The following CNTN3 variants were observed in gnomAD, a reference collection of about 807,000 sequenced individuals.
CNTN3 encodes contactin-3.
CNTN3 carries 60 observed loss-of-function variants against 119.1 expected under a neutral mutation model. The ratio of observed to expected loss-of-function variants is 0.50; its 90% CI spans 0.41 to 0.62. The LOEUF is 0.62. CNTN3 is among the 20% of genes least tolerant of loss of function. The probability of loss-of-function intolerance (pLI) is 0.00; values close to 1 mark genes in which losing one functional copy is unlikely to be tolerated. For missense variants in CNTN3, 1,101 were observed against 1,242.4 expected (o/e 0.89, Z 1.71); for synonymous variants, 450 against 438.7 (o/e 1.03, Z -0.32).
intron 10 of CNTN3, among the ~76,000 whole-genome samples, chr3:74,363,587 T>C (rs1704123255): frequency 6.6e-6 from 1 of 152,152 alleles, no homozygotes; most frequent in Non-Finnish European, 1.5e-5. Flanking sequence ...AAACAAGTAT[T>C]AACCCAAATC....
chr3:74,590,206 A>G lies in CNTN3; in HGVS notation c.-81+24185T>C, dbSNP rs189738424. ...ATCTATCCTGAACTTTTCAATAAAGAAAGTCAATACATTTGGAAGGGAGTG... is the reference window on the plus strand; with the variant it reads ...ATCTATCCTGAACTTTTCAATAAAGGAAGTCAATACATTTGGAAGGGAGTG... On this transcript the variant is annotated intron_variant, in intron 1 of 22. Coordinates refer to ENST00000263665, the MANE Select transcript of CNTN3 (RefSeq NM_020872.3). Among the ~76,000 whole-genome samples, 254 of 152,168 alleles carry G rather than the reference A, an allele frequency of 1.7e-3. 1 individual carries two copies. Among genetic ancestry groups the G allele is most frequent in the Non-Finnish European group, 3.1e-3 (210 of 67,990 alleles).
At chr3:74,523,290 T>C (rs557870897) in intron 1 of CNTN3, among the ~76,000 whole-genome samples, 1 of 151,978 alleles carries the variant, frequency 6.6e-6, no homozygotes, top group Admixed American at 6.6e-5. Flanking sequence ...CAAACATGCA[T>C]ACACATATAG....
intron 5 of CNTN3, among the ~76,000 whole-genome samples, chr3:74,385,749 T>C (rs946103122): frequency 2.0e-5 from 3 of 152,220 alleles, no homozygotes; most frequent in African/African-American, 7.2e-5. Context: ...CTGTGGTTGA[T>C]GGAGAGACTG....
chr3:74,332,550 C>T (rs1016398443), intron 13 of CNTN3, among the ~76,000 whole-genome samples: 3 of 152,166 alleles, frequency 2.0e-5, no homozygotes, highest in Admixed American at 6.5e-5. Context: ...ATTATAAACT[C>T]GAATGTTTTT....
chr3:74,319,759 C>T (rs1194791291), intron 13 of CNTN3, among the ~76,000 whole-genome samples: 3 of 151,650 alleles, frequency 2.0e-5, no homozygotes, highest in Non-Finnish European at 4.4e-5. Context: ...ATTTTCGCAA[C>T]CTACTCATCT....
intron 1 of CNTN3, among the ~76,000 whole-genome samples, chr3:74,525,865 AG>A (rs1703612121): frequency 6.6e-6 from 1 of 151,922 alleles, no homozygotes; most frequent in African/African-American, 2.4e-5. Context: ...ATTTGTGGCT[AG>A]TCATATACTT....
chr3:74,440,865 G>A (rs1482292636), intron 4 of CNTN3, among the ~76,000 whole-genome samples: 1 of 152,090 alleles, frequency 6.6e-6, no homozygotes, highest in African/African-American at 2.4e-5. Context: ...TATAAGTAAT[G>A]TAGAAATGCT....
chr3:74,579,431 G>T (rs181243479), intron 1 of CNTN3, among the ~76,000 whole-genome samples: 2 of 150,434 alleles, frequency 1.3e-5, no homozygotes, highest in Non-Finnish European at 3.0e-5. Flanking sequence ...GTTCCTAACA[G>T]GCATTTATGG....
At chr3:74,416,013 T>C (rs1436286180) in intron 5 of CNTN3, among the ~76,000 whole-genome samples, 1 of 152,190 alleles carries the variant, frequency 6.6e-6, no homozygotes, top group Non-Finnish European at 1.5e-5. Flanking sequence ...TAGTACAGGA[T>C]GGGCATCTCA....
chr3:74,366,778 G>GTATATATATATATATATA lies in CNTN3; in HGVS notation c.947-1077_947-1076insTATATATATATATATATA, dbSNP rs1485995990. 9.2e-3 allele frequency among the ~76,000 whole-genome samples: 374 copies of GTATATATATATATATATA among 40,768 alleles called. 6 individuals carry two copies. The highest frequency in any genetic ancestry group is 0.022 in the African/African-American group (208 of 9,266). The allele number at this position is 40,768 out of a possible 152,430, so 26.7% of individuals were successfully genotyped here. On this transcript the variant is annotated intron_variant, in intron 8 of 22. Coordinates refer to ENST00000263665, the MANE Select transcript of CNTN3 (RefSeq NM_020872.3). ...TGTGTGCGTGTGTGTGTGTGTGTGT[G>GTATATATATATATATATA]TGTATATATATATATATATATATAT... is the stretch of plus-strand genomic sequence containing the variant.
At chr3:74,476,992 A>G (rs1702667287) in intron 4 of CNTN3, among the ~76,000 whole-genome samples, 3 of 152,148 alleles carry the variant, frequency 2.0e-5, no homozygotes. Context: ...GGAGTAAAGA[A>G]TAGGCATGGG....
chr3:74,586,582 G>C (rs1280934007), intron 1 of CNTN3, among the ~76,000 whole-genome samples: 2 of 151,990 alleles, frequency 1.3e-5, no homozygotes, highest in Non-Finnish European at 2.9e-5. Context: ...TGAGACATTG[G>C]TTTTTAGTTA....
At chr3:74,611,310 T>A (rs1705078080) in intron 1 of CNTN3, among the ~76,000 whole-genome samples, 1 of 152,214 alleles carries the variant, frequency 6.6e-6, no homozygotes, top group Non-Finnish European at 1.5e-5. Context: ...TGCTATAAAG[T>A]TCTGCCAGCA....
chr3:74,489,894 G>C (rs1702931191), intron 3 of CNTN3, among the ~76,000 whole-genome samples: 1 of 152,106 alleles, frequency 6.6e-6, no homozygotes, highest in Admixed American at 6.5e-5. Context: ...CTTCCACAGG[G>C]AAGGCATTCA....
intron 19 of CNTN3, among the ~76,000 whole-genome samples, chr3:74,293,509 C>A (rs1025680605): frequency 2.0e-5 from 3 of 152,178 alleles, no homozygotes; most frequent in African/African-American, 7.2e-5. Context: ...GAATCTCAGT[C>A]TGTCATCCAG....
At chr3:74,513,200 T>C (rs943865037) in intron 2 of CNTN3, among the ~76,000 whole-genome samples, 4 of 151,830 alleles carry the variant, frequency 2.6e-5, no homozygotes, top group Non-Finnish European at 5.9e-5. Context: ...ATGAACAAAG[T>C]AAAAAAGGAA....
chr3:74,296,464 G>A (rs1201119478), intron 18 of CNTN3, among the ~76,000 whole-genome samples: 1 of 152,038 alleles, frequency 6.6e-6, no homozygotes, highest in Non-Finnish European at 1.5e-5. Flanking sequence ...AGACTCTTCT[G>A]CAAAGACTTG....
chr3:74,425,292 T>C (rs1044824597), intron 4 of CNTN3, among the ~76,000 whole-genome samples: 1 of 152,200 alleles, frequency 6.6e-6, no homozygotes, highest in Non-Finnish European at 1.5e-5. Flanking sequence ...TTTATGGTCA[T>C]AAGTACCTAA....
At chr3:74,589,543 G>C (rs1160458366) in intron 1 of CNTN3, among the ~76,000 whole-genome samples, 3 of 144,982 alleles carry the variant, frequency 2.1e-5, no homozygotes, top group African/African-American at 7.8e-5. Context: ...GTGGAAGTCA[G>C]TGTGGCGATT....
Sources: allele counts gnomAD v4.1 joint callset (sites outside exome capture counted in the v4.1 genomes callset), GRCh38; gene constraint gnomAD v4.1.1; transcripts MANE v1.5; gene names NCBI Gene and HGNC (gene_info 2026-07-23, HGNC 2026-07-21).